The following TNFAIP8 variants were observed in gnomAD, a reference collection of about 807,000 sequenced individuals.
The protein encoded by TNFAIP8 is TNF alpha induced protein 8, also known as tumor necrosis factor alpha-induced protein 8.
TNFAIP8 carries 7 observed loss-of-function variants against 13.3 expected under a neutral mutation model. The observed-to-expected ratio is 0.52, with a 90% CI of 0.30 to 0.99. The LOEUF (loss-of-function observed/expected upper bound fraction) is 0.99. TNFAIP8 is among the 50% of genes least tolerant of loss of function. TNFAIP8 has a pLI of 0.07. For missense variants in TNFAIP8, 258 were observed against 236.9 expected (o/e 1.09, Z -0.58); for synonymous variants, 94 against 87.6 (o/e 1.07, Z -0.41).
chr5:119,300,078 T>A (rs1749335714), intron 1 of TNFAIP8, among the ~76,000 whole-genome samples: 1 of 152,250 alleles, frequency 6.6e-6, no homozygotes, highest in African/African-American at 2.4e-5. Context: ...AGGCAATGCC[T>A]TGCCCTGCTT....
At chr5:119,392,190 T>C (rs1462189981) in intron 1 of TNFAIP8, among the ~76,000 whole-genome samples, 1 of 152,240 alleles carries the variant, frequency 6.6e-6, no homozygotes, top group African/African-American at 2.4e-5. Flanking sequence ...GACAGCCAAA[T>C]TGGTAGGCAC....
Position 119,376,416 on chromosome 5 carries a change from C to T in TNFAIP8, c.32-16400C>T, listed in dbSNP as rs900121470. On this transcript the variant is annotated intron_variant, in intron 1 of 1. Transcript: ENST00000504771. ...GATTACAGGTGTGAGCCACTGCACC[C>T]GGCAAAAATAAACTTTTTCAAAAGG... is the stretch of plus-strand genomic sequence containing the variant. Among the ~76,000 whole-genome samples, 9 of 151,898 alleles carry T rather than the reference C, an allele frequency of 5.9e-5. No individual in the cohort carries two copies. In the East Asian group the frequency reaches 7.7e-4, roughly 13 times the overall value.
chr5:119,336,022 G>A (rs562848741), intron 1 of TNFAIP8, among the ~76,000 whole-genome samples: 12 of 152,146 alleles, frequency 7.9e-5, no homozygotes, highest in African/African-American at 2.9e-4. Context: ...CAAACAGAGG[G>A]CAAGCGGCTG....
chr5:119,305,169 A>T (rs1749512812), intron 1 of TNFAIP8, among the ~76,000 whole-genome samples: 1 of 152,170 alleles, frequency 6.6e-6, no homozygotes, highest in Admixed American at 6.5e-5. Context: ...AAAGGAAAAT[A>T]AAAGGTTTCA....
intron 1 of TNFAIP8, among the ~76,000 whole-genome samples, chr5:119,328,931 C>T (rs1398620628): frequency 6.6e-6 from 1 of 152,224 alleles, no homozygotes; most frequent in Non-Finnish European, 1.5e-5. Context: ...CATTCAAGTG[C>T]CAGCATATTT....
intron 1 of TNFAIP8, among the ~76,000 whole-genome samples, chr5:119,377,158 T>A (rs1411534863): frequency 1.3e-5 from 2 of 152,070 alleles, no homozygotes; most frequent in East Asian, 3.9e-4. Flanking sequence ...ATCCAGCACT[T>A]TGGGAGGCCA....
chr5:119,268,935 C>T (rs774513673), intron 1 of TNFAIP8: 27 of 696,958 alleles, frequency 3.9e-5, no homozygotes, highest in East Asian at 1.4e-4. Flanking sequence ...GCGCCCGTCC[C>T]GCGCACACTC....
intron 1 of TNFAIP8, among the ~76,000 whole-genome samples, chr5:119,340,534 C>T (rs965443718): frequency 1.1e-4 from 16 of 152,154 alleles, no homozygotes; most frequent in Non-Finnish European, 2.9e-5. Flanking sequence ...ACTTGCTGGG[C>T]CTGTTTTCTC....
intron 1 of TNFAIP8, among the ~76,000 whole-genome samples, chr5:119,298,221 G>A (rs62375089): frequency 0.13 from 19,997 of 151,362 alleles, 1,414 homozygotes; most frequent in Non-Finnish European, 0.17. Context: ...TTACAATTTG[G>A]CATGATTTTG....
chr5:119,322,759 G>A (rs994816831), intron 1 of TNFAIP8, among the ~76,000 whole-genome samples: 3 of 152,060 alleles, frequency 2.0e-5, no homozygotes, highest in African/African-American at 4.8e-5. Context: ...CTTCTTATTC[G>A]ACTCTCTCCC....
chr5:119,291,364 C>A (rs1748981389), intron 1 of TNFAIP8, among the ~76,000 whole-genome samples: 1 of 152,192 alleles, frequency 6.6e-6, no homozygotes, highest in South Asian at 2.1e-4. Context: ...GCCTGTCATG[C>A]ATAATTTACA....
chr5:119,328,231 C>T (rs1750279780), intron 1 of TNFAIP8, among the ~76,000 whole-genome samples: 1 of 152,128 alleles, frequency 6.6e-6, no homozygotes, highest in South Asian at 2.1e-4. Context: ...AGTTCTGACC[C>T]TCAACCCTTG....
intron 1 of TNFAIP8, among the ~76,000 whole-genome samples, chr5:119,299,732 C>G (rs991302192): frequency 2.0e-5 from 3 of 152,212 alleles, no homozygotes; most frequent in African/African-American, 2.4e-5. Flanking sequence ...CAGAGGCAGG[C>G]AGGCCTCCTT....
At chr5:119,286,621 CAA>C (rs11302326) in intron 1 of TNFAIP8, among the ~76,000 whole-genome samples, 464 of 127,486 alleles carry the variant, frequency 3.6e-3, no homozygotes, top group Middle Eastern at 0.012. Context: ...GACTCCCTCT[CAA>C]AAAAAAAAAA....
upstream of TNFAIP8, among the ~76,000 whole-genome samples, chr5:119,351,562 T>G (rs1179184944): frequency 6.6e-6 from 1 of 152,146 alleles, no homozygotes; most frequent in African/African-American, 2.4e-5. Flanking sequence ...GTGTTGAGTA[T>G]GTTAGGTGTA....
chr5:119,304,376 C>G (rs1749489756), intron 1 of TNFAIP8, among the ~76,000 whole-genome samples: 1 of 152,224 alleles, frequency 6.6e-6, no homozygotes. Flanking sequence ...TCCTGTCCAG[C>G]TTTGCAGCCT....
chr5:119,328,320 G>A (rs1750282847), intron 1 of TNFAIP8, among the ~76,000 whole-genome samples: 1 of 151,616 alleles, frequency 6.6e-6, no homozygotes, highest in Admixed American at 6.6e-5. Flanking sequence ...GCCTGGAAAA[G>A]TTTTTGAAAC....
Position 119,324,554 on chromosome 5 carries a change from GAA to G in TNFAIP8, c.1+55650_1+55651del, listed in dbSNP as rs749926840. On this transcript the variant is annotated intron_variant, in intron 1 of 1. Coordinates refer to the TNFAIP8 transcript ENST00000274456. ...TTCTGTTTCGCTTTGAAAATTCCCT[GAA>G]AAGACAGAAGATTGCCCCAGCCGCC... Among the ~76,000 whole-genome samples, 130 of 152,170 alleles carry G rather than the reference GAA, an allele frequency of 8.5e-4. 1 individual carries two copies. Among genetic ancestry groups the G allele is most frequent in the Admixed American group, 3.1e-3 (48 of 15,286 alleles).
chr5:119,338,187 C>T (rs1037476791), intron 1 of TNFAIP8, among the ~76,000 whole-genome samples: 32 of 149,170 alleles, frequency 2.1e-4, no homozygotes, highest in Non-Finnish European at 2.8e-4. Context: ...CACACACACA[C>T]ACACACACAC....
Sources: gnomAD v4.1 joint callset for allele counts (sites outside exome capture counted in the v4.1 genomes callset) on GRCh38, gnomAD v4.1.1 for gene constraint, MANE v1.5 for transcripts, NCBI Gene and HGNC (gene_info 2026-07-23, HGNC 2026-07-21) for gene names.